WNK1: variants seen among roughly 807,000 people sequenced by gnomAD.
WNK1 encodes the protein serine/threonine-protein kinase WNK1.
A neutral mutation model predicts 222.8 loss-of-function variants in WNK1; 38 were observed. The observed-to-expected ratio is 0.17, with a 90% CI of 0.13 to 0.22. WNK1 has a LOEUF of 0.22. WNK1 is among the 10% of genes least tolerant of loss of function. The pLI, the probability that WNK1 is intolerant of heterozygous loss-of-function variation, is 1.00. For synonymous variants in WNK1, 1,090 were observed against 1,092.9 expected (o/e 1.00, Z 0.05); for missense variants, 2,348 against 2,918.4 (o/e 0.80, Z 4.50).
chr12:851,335 G>A, intron 4 of WNK1: 1 of 993,900 alleles, frequency 1.0e-6, no homozygotes, highest in South Asian at 4.5e-5. Context: ...ATCCAAGAAA[G>A]GTTTTGATAG....
At position 900,661 on chromosome 12, in the gene WNK1, C is replaced by T. The variant is rs145690082; in HGVS notation, c.6634C>T (p.Pro2212Ser). The T allele has an allele frequency of 6.2e-7, 1 of 1,614,192 alleles. No individual in the cohort carries two copies. The highest frequency in any genetic ancestry group is 1.1e-5 in the South Asian group (1 of 91,074). Residue 2212 changes from proline (P) to serine (S), a missense_variant, in exon 26 of 28, where the codon CCA (proline) becomes TCA (serine). This residue lies in a region of WNK1 where 1,144 missense variants were observed against 1,273.6 expected (regional missense o/e 0.90). Transcript: ENST00000315939. The part of the protein sequence containing the change: ...GAISVPSLSA[P>S]GQGTSSTNTV... ...CATTTCAGTACCAAGCCTTTCTGCT[C>T]CAGGTCAAGGTAATAAAGCAACCAT...
chr12:810,412 T>C (rs1278544640), intron 1 of WNK1, among the ~76,000 whole-genome samples: 1 of 152,242 alleles, frequency 6.6e-6, no homozygotes, highest in Non-Finnish European at 1.5e-5. Context: ...TGTGTGGTCT[T>C]AATTTAGCAG....
rs1956032793 is a variant in WNK1, at chr12:910,856, C to G, written c.*2064C>G. 6.5e-6 allele frequency: 1 copy of G among 153,728 alleles called. No homozygotes were observed. The highest frequency in any genetic ancestry group is 1.4e-5 in the Non-Finnish European group (1 of 69,178). 9.5% of individuals were successfully genotyped at this position (153,728 alleles called of 1,614,324 possible). Reference sequence around the variant, plus strand: ...TTTTAAAAGGTAGAAAGGAAAAGGGCAAGGGCTTCCACCCCTGCTTTAAAA... The same window carrying G: ...TTTTAAAAGGTAGAAAGGAAAAGGGGAAGGGCTTCCACCCCTGCTTTAAAA... On this transcript the variant is annotated 3_prime_UTR_variant, in exon 28 of 28. Transcript: ENST00000315939.
At chr12:895,903 G>T (rs527676146) in intron 23 of WNK1, among the ~76,000 whole-genome samples, 168 bp from the exon 24 acceptor site, 3 of 152,192 alleles carry the variant, frequency 2.0e-5, no homozygotes, top group Non-Finnish European at 4.4e-5. Flanking sequence ...CTCTATGATG[G>T]TATTCAATTT....
intron 1 of WNK1, among the ~76,000 whole-genome samples, chr12:771,313 A>T (rs1942468024): frequency 6.6e-6 from 1 of 151,930 alleles, no homozygotes; most frequent in Non-Finnish European, 1.5e-5. Flanking sequence ...ATTCTTTAGT[A>T]ATTTCTGGCC....
chr12:777,772 G>T (rs2153962440), intron 1 of WNK1, among the ~76,000 whole-genome samples: 1 of 152,166 alleles, frequency 6.6e-6, no homozygotes, highest in Non-Finnish European at 1.5e-5. Flanking sequence ...ATAGCTACAT[G>T]GTAGCTATTT....
At chr12:798,543 T>G (rs967688926) in intron 1 of WNK1, among the ~76,000 whole-genome samples, 1 of 152,214 alleles carries the variant, frequency 6.6e-6, no homozygotes, top group African/African-American at 2.4e-5. Flanking sequence ...TATCGAGTCT[T>G]CTGCCTTCCT....
chr12:878,878 A>T lies in WNK1; in HGVS notation c.2373+517A>T, dbSNP rs1952867499. On this transcript the variant is annotated intron_variant, in intron 10 of 27. Coordinates refer to ENST00000315939, the MANE Select transcript of WNK1 (RefSeq NM_018979.4). ...TGACCTTTTTTCAACTTTATTTTTG[A>T]GTACTGTTGTGCATGTATGTGCACA... Among the ~76,000 whole-genome samples the T allele has an allele frequency of 2.0e-5, 3 of 151,854 alleles. 1 individual carries two copies. Among genetic ancestry groups the T allele is most frequent in the African/African-American group, 7.3e-5 (3 of 41,364 alleles).
chr12:856,503 T>C (rs6489759), intron 4 of WNK1, among the ~76,000 whole-genome samples: 18,997 of 151,968 alleles, frequency 0.13, 1,471 homozygotes, highest in Middle Eastern at 0.2. Flanking sequence ...TATAAAGATT[T>C]TAAACTATTA....
intron 11 of WNK1, 121 bp downstream of exon 11, chr12:880,152 C>A: frequency 1.0e-6 from 1 of 961,250 alleles, no homozygotes; most frequent in Non-Finnish European, 1.6e-6. Context: ...ACTAGAGAAG[C>A]AAAATAGTAA....
chr12:891,607 T>TTC (rs1555155185), intron 22 of WNK1, among the ~76,000 whole-genome samples: 1 of 151,044 alleles, frequency 6.6e-6, no homozygotes, highest in Non-Finnish European at 1.5e-5. Flanking sequence ...TTTTTCTTTT[T>TTC]TTTTTTTTTT....
intron 5 of WNK1, 42 bp from the exon 6 acceptor site, chr12:859,203 G>T (rs963570052): frequency 6.7e-7 from 1 of 1,499,108 alleles, no homozygotes; most frequent in Non-Finnish European, 9.3e-7. Flanking sequence ...CAAACTAATG[G>T]TGTTTTATTT....
chr12:802,190 C>T (rs1478019600), intron 1 of WNK1, among the ~76,000 whole-genome samples: 2 of 151,992 alleles, frequency 1.3e-5, no homozygotes, highest in Non-Finnish European at 2.9e-5. Context: ...TTTTAAAGCC[C>T]CAAAATTTCT....
rs1646613942 is a variant in WNK1, at chr12:830,040, G to A, written c.1191G>A (p.Glu397=). 33 of 1,612,088 alleles carry A rather than the reference G, an allele frequency of 2.0e-5. No homozygotes were observed. The highest frequency in any genetic ancestry group is 2.7e-5 in the Non-Finnish European group (32 of 1,178,316). ...PEFMAPEMYE[E]KYDESVDVYA... The stretch of plus-strand genomic sequence containing the variant: ...TCATGGCCCCTGAGATGTATGAGGA[G>A]AAATATGATGAATCCGTTGACGTTT... The change falls in exon 4 of 28, where the codon GAG becomes GAA. Residue 397 remains glutamate (E), a synonymous_variant. Coordinates refer to ENST00000315939, the MANE Select transcript of WNK1 (RefSeq NM_018979.4).
intron 1 of WNK1, among the ~76,000 whole-genome samples, chr12:804,446 C>T (rs1946165993): frequency 7.8e-5 from 9 of 114,924 alleles, no homozygotes; most frequent in Admixed American, 7.3e-4. Context: ...GATCTCAGCT[C>T]ACTGCAACCT....
At chr12:876,704 G>A (rs1189455843) in intron 9 of WNK1, among the ~76,000 whole-genome samples, 1 of 152,074 alleles carries the variant, frequency 6.6e-6, no homozygotes, top group Non-Finnish European at 1.5e-5. Context: ...ATTTTAAGTA[G>A]CAAAAATGAA....
chr12:865,366 T>C (rs1951577952), intron 8 of WNK1: 1 of 1,532,754 alleles, frequency 6.5e-7, no homozygotes, highest in South Asian at 1.2e-5. Context: ...GTCAGTACTG[T>C]ATGTAACTGT....
Position 885,745 on chromosome 12 carries a change from T to C in WNK1, c.4941T>C (p.Pro1647=), listed in dbSNP as rs1592176190. The C allele has an allele frequency of 4.3e-6, 7 of 1,614,210 alleles. No homozygotes were observed. Among genetic ancestry groups the C allele is most frequent in the African/African-American group, 1.3e-5 (1 of 75,054 alleles). ...ATTCTGATACACAACCCAAAGCTCCTGGAATTGATGACATAAAGACTCTAG... is the reference window on the plus strand; with the variant it reads ...ATTCTGATACACAACCCAAAGCTCCCGGAATTGATGACATAAAGACTCTAG... ...EVDSDTQPKA[P]GIDDIKTLEE... The change falls in exon 19 of 28, where the codon CCT becomes CCC. Residue 1647 remains proline, a synonymous_variant. Transcript: ENST00000315939.
chr12:861,385 C>G, intron 7 of WNK1, 42 bp downstream of exon 7: 1 of 1,601,284 alleles, frequency 6.2e-7, no homozygotes, highest in Non-Finnish European at 8.6e-7. Context: ...AATGATTCTC[C>G]TAATTGGTTT....
Sources: allele counts gnomAD v4.1 joint callset (sites outside exome capture counted in the v4.1 genomes callset), GRCh38; gene constraint gnomAD v4.1.1; regional missense constraint gnomAD v4.1.1; transcripts MANE v1.5; gene names NCBI Gene and HGNC (gene_info 2026-07-23, HGNC 2026-07-21).